CACNA2D1: variants seen among roughly 807,000 people sequenced by gnomAD.
The protein encoded by CACNA2D1 is calcium voltage-gated channel auxiliary subunit alpha2delta 1.
In CACNA2D1, 53 loss-of-function variants were observed where a neutral mutation model predicts 171.5. The observed-to-expected ratio is 0.31, with a 90% CI of 0.25 to 0.39. The LOEUF is 0.39. Among genes scored for constraint, CACNA2D1 ranks in the 10% least tolerant of loss-of-function variants. The pLI is 1.00. For synonymous variants in CACNA2D1, 442 were observed against 443.1 expected (o/e 1.00, Z 0.03); for missense variants, 903 against 1,299.8 (o/e 0.69, Z 4.69).
intron 3 of CACNA2D1, among the ~76,000 whole-genome samples, chr7:82,193,245 T>C (rs963748377): frequency 8.6e-5 from 13 of 151,986 alleles, no homozygotes; most frequent in South Asian, 2.1e-4. Flanking sequence ...GTTTGAAATT[T>C]TTCTGAAGAT....
At chr7:82,069,257 C>T (rs759605767) in intron 7 of CACNA2D1, among the ~76,000 whole-genome samples, 12 of 152,064 alleles carry the variant, frequency 7.9e-5, no homozygotes, top group Non-Finnish European at 1.6e-4. Flanking sequence ...AGTTTCATAA[C>T]CATGCACAGT....
In CACNA2D1 at chr7:82,335,119, T is replaced by A. The variant is rs754903507; in HGVS notation, c.294+16A>T. 7.0e-7 allele frequency: 1 copy of A among 1,424,906 alleles called. No individual in the cohort carries two copies. The highest frequency in any genetic ancestry group is 2.3e-5 in the East Asian group (1 of 43,918). The allele number at this position is 1,424,906 out of a possible 1,614,324, so 88.3% of individuals were successfully genotyped here. A position where few individuals can be genotyped will look rare whatever the true frequency, so the allele number is the denominator to read the frequency against. On this transcript the variant is annotated intron_variant, in intron 3 of 38. Transcript: ENST00000356860. ...TAAGGAAAATAATAAAATGAGCAGA[T>A]CCAATTTAAACTCACCACCAGGGCT...
intron 1 of CACNA2D1, among the ~76,000 whole-genome samples, chr7:82,405,129 A>C (rs909894297): frequency 2.0e-5 from 3 of 152,148 alleles, no homozygotes; most frequent in Non-Finnish European, 4.4e-5. Flanking sequence ...CTAATTACTC[A>C]TTTAGAAGTC....
intron 4 of CACNA2D1, among the ~76,000 whole-genome samples, chr7:82,149,976 G>A (rs898587329): frequency 2.4e-4 from 37 of 151,776 alleles, no homozygotes; most frequent in African/African-American, 8.7e-4. Context: ...GTGTGTACAT[G>A]TGCGTGTGTG....
chr7:82,289,818 C>A (rs1811297251), intron 3 of CACNA2D1, among the ~76,000 whole-genome samples: 1 of 152,198 alleles, frequency 6.6e-6, no homozygotes, highest in South Asian at 2.1e-4. Context: ...TTGGCATATG[C>A]CAGTGATCAG....
chr7:81,960,528 C>CTTTAGTAACCAACATAAA (rs1793981777), intron 36 of CACNA2D1, among the ~76,000 whole-genome samples: 2 of 151,968 alleles, frequency 1.3e-5, no homozygotes, highest in South Asian at 4.1e-4. Context: ...GCTGCTCTTA[C>CTTTAGTAACCAACATAAA]TTTAGTAACC....
intron 4 of CACNA2D1, among the ~76,000 whole-genome samples, chr7:82,158,105 T>A (rs1794556267): frequency 6.6e-6 from 1 of 151,998 alleles, no homozygotes; most frequent in Admixed American, 6.6e-5. Context: ...TTTGATAAAC[T>A]GGATATTTAT....
chr7:82,051,914 G>C (rs1241489726), intron 10 of CACNA2D1, among the ~76,000 whole-genome samples: 3 of 152,168 alleles, frequency 2.0e-5, no homozygotes, highest in African/African-American at 4.8e-5. Flanking sequence ...CTAACAGCAG[G>C]CTTCCTTTCT....
intron 7 of CACNA2D1, among the ~76,000 whole-genome samples, chr7:82,080,158 T>G (rs892650629): frequency 2.6e-4 from 2 of 7,794 alleles, no homozygotes; most frequent in East Asian, 1.3e-3. Context: ...TACCTATATA[T>G]GTATATAGGT....
intron 1 of CACNA2D1, among the ~76,000 whole-genome samples, chr7:82,403,667 T>C (rs1272296689): frequency 6.6e-6 from 1 of 152,188 alleles, no homozygotes; most frequent in East Asian, 1.9e-4. Flanking sequence ...ACTGTCAAGG[T>C]TGAAGAGATT....
At chr7:82,109,231 T>A (rs1182261300) in intron 6 of CACNA2D1, among the ~76,000 whole-genome samples, 2 of 152,132 alleles carry the variant, frequency 1.3e-5, no homozygotes, top group East Asian at 3.8e-4. Flanking sequence ...GAACCCTTTT[T>A]TTTGCAAATT....
At chr7:82,235,965 T>C (rs1803538792) in intron 3 of CACNA2D1, among the ~76,000 whole-genome samples, 1 of 152,098 alleles carries the variant, frequency 6.6e-6, no homozygotes, top group African/African-American at 2.4e-5. Context: ...CTGCTCTATA[T>C]GCGGATGACT....
At chr7:82,421,135 T>C (rs1324535236) in intron 1 of CACNA2D1, among the ~76,000 whole-genome samples, 1 of 152,210 alleles carries the variant, frequency 6.6e-6, no homozygotes, top group African/African-American at 2.4e-5. Flanking sequence ...TTTAAAATGA[T>C]GACTTTGTTT....
intron 3 of CACNA2D1, among the ~76,000 whole-genome samples, chr7:82,284,629 A>G (rs1450839121): frequency 6.6e-6 from 1 of 152,176 alleles, no homozygotes; most frequent in Non-Finnish European, 1.5e-5. Context: ...TGGCAGGAGG[A>G]GCTGAAGAGC....
chr7:82,287,410 A>C (rs1810939744), intron 3 of CACNA2D1, among the ~76,000 whole-genome samples: 1 of 152,176 alleles, frequency 6.6e-6, no homozygotes. Context: ...TTCTGGAGAA[A>C]TAACCACATT....
intron 7 of CACNA2D1, among the ~76,000 whole-genome samples, chr7:82,083,570 T>C (rs187082571): frequency 6.6e-6 from 1 of 152,234 alleles, no homozygotes. Flanking sequence ...TCCACTATTA[T>C]AATGATAAAC....
At chr7:82,435,319 G>T (rs73390072) in intron 1 of CACNA2D1, among the ~76,000 whole-genome samples, 28,645 of 151,924 alleles carry the variant, frequency 0.19, 3,795 homozygotes, top group African/African-American at 0.37. Flanking sequence ...TTACAGGTGT[G>T]AGCCACCATG....
At chr7:82,102,071 TAA>T (rs1812737948) in intron 6 of CACNA2D1, among the ~76,000 whole-genome samples, 1 of 152,106 alleles carries the variant, frequency 6.6e-6, no homozygotes, top group African/African-American at 2.4e-5. Context: ...TCCAACCTCC[TAA>T]GAGAGTAAGC....
intron 3 of CACNA2D1, among the ~76,000 whole-genome samples, chr7:82,257,614 TAAA>T (rs1017362156): frequency 3.3e-5 from 5 of 152,182 alleles, no homozygotes; most frequent in Non-Finnish European, 5.9e-5. Flanking sequence ...ATGTAAACCA[TAAA>T]ACATTGTCAA....
Sources: gnomAD v4.1 joint callset for allele counts (sites outside exome capture counted in the v4.1 genomes callset) on GRCh38, gnomAD v4.1.1 for gene constraint, MANE v1.5 for transcripts, NCBI Gene and HGNC (gene_info 2026-07-23, HGNC 2026-07-21) for gene names.